Variants in MAP4 observed in about 807,000 individuals in gnomAD.
MAP4 encodes microtubule associated protein 4.
Under a neutral mutation model 170.2 loss-of-function variants are expected in MAP4, and 76 were observed. The observed-to-expected ratio is 0.45, with a 90% CI of 0.37 to 0.54. The LOEUF (loss-of-function observed/expected upper bound fraction) is 0.54, where lower values mean the gene tolerates loss of function less well. Ranked by LOEUF, MAP4 falls within the 20% of genes least tolerant of loss-of-function variation. The pLI is 0.00. For synonymous variants in MAP4, 909 were observed against 994.5 expected (o/e 0.91, Z 1.62); for missense variants, 2,506 against 2,748.0 (o/e 0.91, Z 1.97).
At chr3:48,048,258 C>T (rs1559853146) in intron 1 of MAP4, among the ~76,000 whole-genome samples, 1 of 152,170 alleles carries the variant, frequency 6.6e-6, no homozygotes, top group Non-Finnish European at 1.5e-5. Context: ...CACTGATAAG[C>T]TCCCATTACA....
intron 12 of MAP4, among the ~76,000 whole-genome samples, chr3:47,874,700 A>C (rs2094684495): frequency 6.6e-6 from 1 of 152,200 alleles, no homozygotes; most frequent in Non-Finnish European, 1.5e-5. Flanking sequence ...AAAGATCAAG[A>C]AAAGCAACCA....
chr3:48,052,331 G>A (rs770418238), intron 1 of MAP4, among the ~76,000 whole-genome samples: 4 of 152,064 alleles, frequency 2.6e-5, no homozygotes, highest in Admixed American at 1.3e-4. Context: ...AGCTATTCTC[G>A]TGCCTCAGCC....
At chr3:47,869,848 G>A (rs1479608000) in intron 15 of MAP4, among the ~76,000 whole-genome samples, 1 of 152,060 alleles carries the variant, frequency 6.6e-6, no homozygotes. Flanking sequence ...AACCATAAGA[G>A]CAAAGACGGG....
intron 2 of MAP4, among the ~76,000 whole-genome samples, chr3:47,982,757 T>TGATTCCAG (rs558101919): frequency 6.6e-6 from 1 of 152,220 alleles, no homozygotes; most frequent in Non-Finnish European, 1.5e-5. Flanking sequence ...TCATACGATT[T>TGATTCCAG]GATTCCATTT....
In MAP4 at chr3:47,998,621, C is replaced by A; in HGVS notation, c.223+17G>T. On this transcript the variant is annotated intron_variant, in intron 2 of 20. Coordinates refer to ENST00000683076, the MANE Select transcript of MAP4 (RefSeq NM_001385682.1). ...TGCTTTCTGAACATATATAAGCAGT[C>A]TGGTTTAAATACTTACCTTCAATCT... 1 of 1,592,076 alleles carries A rather than the reference C, an allele frequency of 6.3e-7. No individual in the cohort carries two copies. Among genetic ancestry groups the A allele is most frequent in the South Asian group, 1.1e-5 (1 of 90,568 alleles).
chr3:47,943,028 T>C (rs2100057506), intron 3 of MAP4, among the ~76,000 whole-genome samples: 1 of 152,022 alleles, frequency 6.6e-6, no homozygotes, highest in Non-Finnish European at 1.5e-5. Context: ...GTGGGAGGAT[T>C]GCTTGAGCCA....
At chr3:47,971,424 G>C (rs1454155264) in intron 3 of MAP4, among the ~76,000 whole-genome samples, 1 of 152,168 alleles carries the variant, frequency 6.6e-6, no homozygotes, top group Admixed American at 6.5e-5. Context: ...TACCAGATGA[G>C]ATAGTGATGA....
chr3:47,918,805 C>T lies in MAP4; in HGVS notation c.566G>A (p.Gly189Glu), dbSNP rs1417033750. The T allele has an allele frequency of 6.2e-7, 1 of 1,613,252 alleles. No individual in the cohort carries two copies. Among genetic ancestry groups the T allele is most frequent in the Admixed American group, 1.7e-5 (1 of 60,012 alleles). Residue 189 changes from glycine to glutamate, a missense_variant, in exon 6 of 21, where the codon GGG becomes GAG. Gly to Glu is a moderately conservative substitution (Grantham distance 98). This residue lies in a region of MAP4 where 2,008 missense variants were observed against 2,206.0 expected (regional missense o/e 0.91). Coordinates refer to ENST00000683076, the MANE Select transcript of MAP4 (RefSeq NM_001385682.1). ...SPCNTAVVPQGWSVEALNSPH... is the reference protein window; with the variant it reads ...SPCNTAVVPQEWSVEALNSPH... Reference sequence around the variant, plus strand: ...AGAGTTTAAGGCTTCCACAGACCACCCCTGAGGTACAACAGCTGTGTTGCA... The same window carrying T: ...AGAGTTTAAGGCTTCCACAGACCACTCCTGAGGTACAACAGCTGTGTTGCA...
intron 4 of MAP4, among the ~76,000 whole-genome samples, chr3:47,926,334 C>T (rs2100045926): frequency 6.6e-6 from 1 of 151,866 alleles, no homozygotes; most frequent in African/African-American, 2.4e-5. Flanking sequence ...CAGGCGCCCG[C>T]CACCATGCCC....
intron 10 of MAP4, chr3:47,891,582 A>T (rs2100023965): frequency 6.5e-7 from 1 of 1,534,640 alleles, no homozygotes; most frequent in South Asian, 1.2e-5. Flanking sequence ...AGGTGAGAAC[A>T]TTCAGACAGG....
intron 1 of MAP4, among the ~76,000 whole-genome samples, chr3:48,014,052 A>G (rs989171701): frequency 2.6e-5 from 4 of 152,210 alleles, no homozygotes; most frequent in African/African-American, 9.7e-5. Context: ...TCTCTTGACT[A>G]CAATCTCACT....
chr3:48,028,436 C>T (rs1036319230), intron 1 of MAP4, among the ~76,000 whole-genome samples: 17 of 151,986 alleles, frequency 1.1e-4, no homozygotes, highest in Non-Finnish European at 2.5e-4. Flanking sequence ...ATCACAAAGT[C>T]AGTAGACAGG....
intron 10 of MAP4, among the ~76,000 whole-genome samples, chr3:47,881,439 A>G (rs1219276647): frequency 2.0e-5 from 2 of 101,202 alleles, no homozygotes; most frequent in Non-Finnish European, 4.1e-5. Flanking sequence ...GCAACAAGAA[A>G]AAACAACTAT....
chr3:48,073,943 G>C lies in MAP4; in HGVS notation c.-20+14830C>G, dbSNP rs1456900353. On this transcript the variant is annotated intron_variant, in intron 1 of 18. Transcript: ENST00000360240. ...AACTAGAAATACCATTTGACCCAGCGATCCCATTACTGGGCATATACCCAA... is the reference window on the plus strand; with the variant it reads ...AACTAGAAATACCATTTGACCCAGCCATCCCATTACTGGGCATATACCCAA... Among the ~76,000 whole-genome samples the C allele has an allele frequency of 2.6e-5, 4 of 152,120 alleles. No homozygotes were observed. The South Asian group carries it at 6.2e-4, about 24-fold the overall frequency.
chr3:47,921,797 G>A lies in MAP4; in HGVS notation c.497C>T (p.Ala166Val). The A allele has an allele frequency of 6.2e-7, 1 of 1,609,574 alleles. No homozygotes were observed. Residue 166 changes from alanine (A) to valine (V), a missense_variant, in exon 5 of 21, where the codon GCA becomes GTA. Physicochemically the swap from Ala to Val is moderately conservative, Grantham distance 64. Coordinates refer to ENST00000683076, the MANE Select transcript of MAP4 (RefSeq NM_001385682.1). ...SSATADTSIF[A>V]GQNDPLKDSY... ...GTCTTTCAAGGGATCATTTTGTCCTGCAAATATTGAAGTATCAGCTGTCGC... is the reference window on the plus strand; with the variant it reads ...GTCTTTCAAGGGATCATTTTGTCCTACAAATATTGAAGTATCAGCTGTCGC...
chr3:47,853,123 G>A, intron 20 of MAP4, 40 bp downstream of exon 20: 4 of 1,612,292 alleles, frequency 2.5e-6, no homozygotes, highest in Non-Finnish European at 8.5e-7. Flanking sequence ...GCCAGTGGCA[G>A]GGCCCCTGGC....
intron 1 of MAP4, among the ~76,000 whole-genome samples, chr3:48,036,798 A>C (rs1190356221): frequency 1.3e-5 from 2 of 152,258 alleles, no homozygotes; most frequent in Non-Finnish European, 1.5e-5. Flanking sequence ...ACAGGCAAAC[A>C]TAAGCAATGA....
At chr3:47,861,451 C>T (rs1179550733) in intron 17 of MAP4, among the ~76,000 whole-genome samples, 1 of 149,802 alleles carries the variant, frequency 6.7e-6, no homozygotes, top group Non-Finnish European at 1.5e-5. Flanking sequence ...CTGCCTGGTT[C>T]AAGCGATTCT....
Position 47,910,843 on chromosome 3 carries a change from C to G in MAP4, c.3578G>C (p.Arg1193Thr), listed in dbSNP as rs747072782. 1 of 1,535,924 alleles carries G rather than the reference C, an allele frequency of 6.5e-7. No homozygotes were observed. The highest frequency in any genetic ancestry group is 1.4e-5 in the African/African-American group (1 of 73,008). Residue 1193 changes from arginine to threonine, a missense_variant, in exon 9 of 21, where the codon AGG becomes ACG. Physicochemically the swap from Arg to Thr is moderately conservative, Grantham distance 71. Around this residue, in one of 3 missense-constraint regions of MAP4, gnomAD observed 2,008 missense variants for 2,206.0 expected, o/e 0.91. Coordinates refer to ENST00000683076, the MANE Select transcript of MAP4 (RefSeq NM_001385682.1). ...TGCCTCATGATCCTTCCATGGACAC[C>G]TTCCTTCCTTGCTCTGGTTATTGAC... Reference protein sequence around the residue: ...MGVNNQSKEGRCPWKDHEAAP... With the variant: ...MGVNNQSKEGTCPWKDHEAAP...
Sources: gnomAD v4.1 joint callset for allele counts (sites outside exome capture counted in the v4.1 genomes callset) on GRCh38, gnomAD v4.1.1 for gene constraint, gnomAD v4.1.1 regional missense constraint, MANE v1.5 for transcripts, NCBI Gene and HGNC (gene_info 2026-07-23, HGNC 2026-07-21) for gene names.